JOSD1: variants seen among roughly 807,000 people sequenced by gnomAD.
JOSD1 encodes the protein josephin-1.
A neutral mutation model predicts 24.3 loss-of-function variants in JOSD1; 11 were observed. The observed-to-expected ratio is 0.45, with a 90% confidence interval of 0.29 to 0.75. The LOEUF (loss-of-function observed/expected upper bound fraction) is 0.75, where lower values mean the gene tolerates loss of function less well. Ranked by LOEUF, JOSD1 falls within the 30% of genes least tolerant of loss-of-function variation. JOSD1 has a pLI of 0.11. For missense variants in JOSD1, 184 were observed against 253.5 expected, an observed-to-expected ratio of 0.73 and a Z score of 1.86; for synonymous variants, 106 against 93.8, an observed-to-expected ratio of 1.13 and a Z score of -0.75.
At chr22:38,694,721 G>A (rs1850470936) in intron 2 of JOSD1, among the ~76,000 whole-genome samples, 1 of 152,030 alleles carries the variant, frequency 6.6e-6, no homozygotes, top group Admixed American at 6.6e-5. Context: ...AAGTAGCCGG[G>A]CGTGGTGGTG....
Position 38,700,421 on chromosome 22 carries a change from C to T in JOSD1, c.-434G>A, listed in dbSNP as rs1014944747. The stretch of plus-strand genomic sequence containing the variant: ...TTCTTCCATTTCTTTTGAACCACGA[C>T]GCCAATGACTCGGGAGACAAGGCCT... On this transcript the variant is annotated 5_prime_UTR_variant, in exon 2 of 5. Coordinates refer to ENST00000683374, the MANE Select transcript of JOSD1 (RefSeq NM_001360236.2). 17 of 987,804 alleles carry T rather than the reference C, an allele frequency of 1.7e-5. No homozygotes were observed. In the African/African-American group the frequency reaches 3.0e-4, roughly 17 times the overall value. The allele number at this position is 987,804 out of a possible 1,614,324, so 61.2% of individuals were successfully genotyped here.
intron 2 of JOSD1, among the ~76,000 whole-genome samples, chr22:38,693,313 C>T (rs561398876): frequency 1.0e-3 from 152 of 152,288 alleles, no homozygotes; most frequent in African/African-American, 3.5e-3. Flanking sequence ...TATTACCACT[C>T]CATCTCTCTC....
chr22:38,696,753 G>T (rs1026217537), intron 2 of JOSD1, among the ~76,000 whole-genome samples: 1 of 152,084 alleles, frequency 6.6e-6, no homozygotes, highest in South Asian at 2.1e-4. Flanking sequence ...CCTTGTTGCC[G>T]CCATGTTGAG....
chr22:38,692,190 C>T (rs976279256), intron 2 of JOSD1, among the ~76,000 whole-genome samples: 1 of 152,232 alleles, frequency 6.6e-6, no homozygotes, highest in Non-Finnish European at 1.5e-5. Context: ...TTAATCTTCA[C>T]AATAAACCTA....
intron 2 of JOSD1, among the ~76,000 whole-genome samples, chr22:38,693,423 A>G (rs2145810889): frequency 6.6e-6 from 1 of 152,304 alleles, no homozygotes; most frequent in Admixed American, 6.5e-5. Context: ...TTCAGCCTCT[A>G]TGTTCCTGCC....
intron 2 of JOSD1, among the ~76,000 whole-genome samples, chr22:38,697,648 G>A (rs1021032939): frequency 2.6e-5 from 4 of 152,238 alleles, no homozygotes; most frequent in Non-Finnish European, 4.4e-5. Context: ...AGCGGTTAGC[G>A]GGGCAGGTTC....
At chr22:38,691,524 A>G (rs1352716401) in intron 2 of JOSD1, among the ~76,000 whole-genome samples, 2 of 152,116 alleles carry the variant, frequency 1.3e-5, no homozygotes, top group East Asian at 1.9e-4. Context: ...CTTACCTTTT[A>G]TTACACTGAC....
chr22:38,694,402 A>G (rs1013963407), intron 2 of JOSD1, among the ~76,000 whole-genome samples: 3 of 152,184 alleles, frequency 2.0e-5, no homozygotes, highest in Non-Finnish European at 4.4e-5. Flanking sequence ...ACTGAGTTCC[A>G]TGGGATCCTG....
Position 38,700,533 on chromosome 22 carries a change from G to A in JOSD1, c.-546C>T, listed in dbSNP as rs1424669243. ...CGCGAGCCGCGCGGGGGCCTCGGGG[G>A]CAGCCCTCCATCCCCTCGGGTACGG... On this transcript the variant is annotated 5_prime_UTR_variant, in exon 2 of 5. Transcript: ENST00000683374. The A allele has an allele frequency of 3.0e-6, 3 of 985,966 alleles. No individual in the cohort carries two copies. Among genetic ancestry groups the A allele is most frequent in the South Asian group, 4.7e-5 (1 of 21,398 alleles). The allele number at this position is 985,966 out of a possible 1,614,324, so 61.1% of individuals were successfully genotyped here. A position where few individuals can be genotyped will look rare whatever the true frequency, so the allele number is the denominator to read the frequency against.
At chr22:38,699,769 C>G in intron 2 of JOSD1, 34 bp downstream of exon 2, 1 of 1,595,920 alleles carries the variant, frequency 6.3e-7, no homozygotes, top group Non-Finnish European at 8.6e-7. Flanking sequence ...CCAGAAATAT[C>G]AGTATCAAGA....
At chr22:38,688,071 C>T (rs2092505993) in intron 4 of JOSD1, 70 bp from the exon 5 acceptor site, 1 of 1,018,568 alleles carries the variant, frequency 9.8e-7, no homozygotes, top group South Asian at 1.3e-5. Context: ...ACCACAAAGT[C>T]ACCTGAAACC....
intron 2 of JOSD1, among the ~76,000 whole-genome samples, chr22:38,694,742 G>T (rs1440719003): frequency 6.6e-6 from 1 of 151,550 alleles, no homozygotes; most frequent in Non-Finnish European, 1.5e-5. Flanking sequence ...GGCGCCTGTA[G>T]TTCCAGCTAC....
Position 38,699,846 on chromosome 22 carries a change from T to C in JOSD1, c.142A>G (p.Ser48Gly), listed in dbSNP as rs756505617. 2 of 1,614,224 alleles carry C rather than the reference T, an allele frequency of 1.2e-6. No individual in the cohort carries two copies. The highest frequency in any genetic ancestry group is 8.5e-7 in the Non-Finnish European group (1 of 1,180,022). ...LHALNNVFQD[S>G]NAFTRDTLQE... The stretch of plus-strand genomic sequence containing the variant: ...AGCGTATCCCGGGTGAAGGCATTGC[T>C]GTCCTGGAAGACGTTATTGAGGGCG... The change falls in exon 2 of 5, where the codon AGC (serine) becomes GGC (glycine). Residue 48 changes from serine (S) to glycine (G), a missense_variant. Physicochemically the swap from Ser to Gly is moderately conservative, Grantham distance 56. Coordinates refer to ENST00000683374, the MANE Select transcript of JOSD1 (RefSeq NM_001360236.2).
chr22:38,700,473 G>T lies in JOSD1; in HGVS notation c.-486C>A. The T allele has an allele frequency of 2.0e-6, 2 of 986,406 alleles. No individual in the cohort carries two copies. Among genetic ancestry groups the T allele is most frequent in the African/African-American group, 1.7e-5 (1 of 57,360 alleles). 61.1% of individuals were successfully genotyped at this position (986,406 alleles called of 1,614,324 possible). On this transcript the variant is annotated 5_prime_UTR_variant, in exon 2 of 5. Coordinates refer to ENST00000683374, the MANE Select transcript of JOSD1 (RefSeq NM_001360236.2). ...GGTGACGGATAAATTTAGCGCACGAGTCGAGTAGCTAGCGCGGGCCGGCAG... is the reference window on the plus strand; with the variant it reads ...GGTGACGGATAAATTTAGCGCACGATTCGAGTAGCTAGCGCGGGCCGGCAG...
At position 38,700,795 on chromosome 22, in the gene JOSD1, C is replaced by G. The variant is rs2092566124; in HGVS notation, c.-632+5G>C. On this transcript the variant is annotated splice_donor_5th_base_variant and intron_variant, in intron 1 of 4. Coordinates refer to ENST00000683374, the MANE Select transcript of JOSD1 (RefSeq NM_001360236.2). ...GCCCACCCGGCTCGCAGCCCCTACA[C>G]AAACCTCCCCGCCCGTCACGTGAGC... The G allele has an allele frequency of 6.1e-6, 6 of 985,110 alleles. No individual in the cohort carries two copies. Among genetic ancestry groups the G allele is most frequent in the Admixed American group, 6.2e-5 (1 of 16,220 alleles). 61.0% of individuals were successfully genotyped at this position (985,110 alleles called of 1,614,324 possible).
intron 2 of JOSD1, among the ~76,000 whole-genome samples, chr22:38,697,706 C>T (rs2092551486): frequency 6.6e-6 from 1 of 152,256 alleles, no homozygotes; most frequent in South Asian, 2.1e-4. Context: ...TAGCTGTGAA[C>T]TCTGTGCCAT....
intron 2 of JOSD1, among the ~76,000 whole-genome samples, chr22:38,693,916 C>T (rs1379816182): frequency 1.3e-5 from 2 of 152,200 alleles, no homozygotes; most frequent in Non-Finnish European, 2.9e-5. Flanking sequence ...ATGCCTGTTA[C>T]CTTGCCTGTA....
chr22:38,700,838 C>T lies in JOSD1; in HGVS notation c.-670G>A. ...ACGTGAGCGCAGGCCCAGACGCCCT[C>T]CCGCCGCGCCCCCGGCCGCAGACCC... On this transcript the variant is annotated 5_prime_UTR_variant, in exon 1 of 5. Transcript: ENST00000683374. The T allele has an allele frequency of 1.0e-6, 1 of 984,688 alleles. No homozygotes were observed. The highest frequency in any genetic ancestry group is 4.7e-5 in the South Asian group (1 of 21,290). The allele number at this position is 984,688 out of a possible 1,614,324, so 61.0% of individuals were successfully genotyped here.
upstream of JOSD1, chr22:38,701,061 GT>G (rs1321603299): frequency 2.3e-6 from 2 of 866,480 alleles, no homozygotes; most frequent in Non-Finnish European, 2.8e-6. Context: ...CACGCCTGAC[GT>G]AAGTCTGACG....
Sources: gnomAD v4.1 joint callset for allele counts (sites outside exome capture counted in the v4.1 genomes callset) on GRCh38, gnomAD v4.1.1 for gene constraint, MANE v1.5 for transcripts, NCBI Gene and HGNC (gene_info 2026-07-23, HGNC 2026-07-21) for gene names.